Variants in MAN1A2 observed in about 807,000 individuals in gnomAD.
MAN1A2 encodes mannosidase alpha class 1A member 2.
In MAN1A2, 26 loss-of-function variants were observed where a neutral mutation model predicts 75.7. The observed-to-expected ratio is 0.34, with a 90% CI of 0.25 to 0.48. The LOEUF is 0.48. Among genes scored for constraint, MAN1A2 ranks in the 20% least tolerant of loss-of-function variants. MAN1A2 has a pLI of 0.99. For synonymous variants in MAN1A2, 247 were observed against 264.6 expected, an observed-to-expected ratio of 0.93 and a Z score of 0.65; for missense variants, 562 against 775.5, an observed-to-expected ratio of 0.72 and a Z score of 3.27.
chr1:117,478,773 ACAAT>A (rs1488718075), intron 8 of MAN1A2, among the ~76,000 whole-genome samples: 1 of 151,976 alleles, frequency 6.6e-6, no homozygotes, highest in East Asian at 1.9e-4. Flanking sequence ...TTAAATCTAC[ACAAT>A]CAACACAGTG....
chr1:117,482,082 T>C (rs1465510388), intron 8 of MAN1A2, among the ~76,000 whole-genome samples: 1 of 151,872 alleles, frequency 6.6e-6, no homozygotes, highest in Non-Finnish European at 1.5e-5. Context: ...GGTATATATA[T>C]ATATGTTCTA....
intron 8 of MAN1A2, 40 bp downstream of exon 8, chr1:117,466,467 A>G (rs1649987111): frequency 1.5e-6 from 2 of 1,328,998 alleles, no homozygotes; most frequent in Admixed American, 2.2e-5. Context: ...TTAAAAAATT[A>G]TTTGTCTGAA....
intron 5 of MAN1A2, among the ~76,000 whole-genome samples, chr1:117,429,605 A>G (rs1648521218): frequency 2.1e-5 from 2 of 93,552 alleles, no homozygotes; most frequent in Non-Finnish European, 4.3e-5. Context: ...TCCCTCCCGG[A>G]TGGGGCGGCT....
intron 5 of MAN1A2, among the ~76,000 whole-genome samples, chr1:117,426,727 A>T (rs1196323904): frequency 2.0e-5 from 3 of 152,210 alleles, no homozygotes; most frequent in Admixed American, 1.3e-4. Flanking sequence ...TATTGCTTTC[A>T]TACCATTGTA....
In MAN1A2 at chr1:117,488,077, A is replaced by G. The variant is rs376756120; in HGVS notation, c.1169-5070A>G. On this transcript the variant is annotated intron_variant, in intron 8 of 12. Coordinates refer to ENST00000356554, the MANE Select transcript of MAN1A2 (RefSeq NM_006699.5). ...ACATCTTATTATTGCCCTGTCTTCT[A>G]CTCCTCCAAGTGACTTCTGTAATAC... is the stretch of plus-strand genomic sequence containing the variant. Among the ~76,000 whole-genome samples the G allele has an allele frequency of 4.6e-5, 7 of 152,096 alleles. No individual in the cohort carries two copies. The East Asian group carries it at 7.8e-4, about 17-fold the overall frequency.
At chr1:117,390,130 G>T (rs1158777133) in intron 1 of MAN1A2, among the ~76,000 whole-genome samples, 1 of 152,094 alleles carries the variant, frequency 6.6e-6, no homozygotes. Context: ...TCTGATTCTG[G>T]TATCAGAGTA....
chr1:117,513,408 A>G (rs1220356262), intron 12 of MAN1A2, among the ~76,000 whole-genome samples: 1 of 152,102 alleles, frequency 6.6e-6, no homozygotes, highest in Non-Finnish European at 1.5e-5. Flanking sequence ...GCATTTATCA[A>G]TAGTTCATTC....
In MAN1A2 at chr1:117,375,179, A is replaced by ATG. The variant is rs3835640; in HGVS notation, c.302+6694_302+6695insTG. Among the ~76,000 whole-genome samples, 641 of 152,306 alleles carry ATG rather than the reference A, an allele frequency of 4.2e-3. 11 individuals carry two copies. Among genetic ancestry groups the ATG allele is most frequent in the East Asian group, 0.042 (217 of 5,188 alleles). On this transcript the variant is annotated intron_variant, in intron 1 of 12. Coordinates refer to ENST00000356554, the MANE Select transcript of MAN1A2 (RefSeq NM_006699.5). Reference sequence around the variant, plus strand: ...TGAGACTTTAGGATAGATTCTGTGGAATACAGTCCTTGACTGAGGCCTCAG... The same window carrying ATG: ...TGAGACTTTAGGATAGATTCTGTGGATGATACAGTCCTTGACTGAGGCCTCAG...
chr1:117,423,086 T>G (rs920072083), intron 5 of MAN1A2, among the ~76,000 whole-genome samples: 6 of 152,184 alleles, frequency 3.9e-5, no homozygotes, highest in Non-Finnish European at 7.4e-5. Flanking sequence ...AGTTAAATCC[T>G]ATATATGCTG....
At chr1:117,435,968 G>T (rs1648834476) in intron 5 of MAN1A2, among the ~76,000 whole-genome samples, 1 of 152,118 alleles carries the variant, frequency 6.6e-6, no homozygotes, top group Admixed American at 6.5e-5. Context: ...TGAGGCAGGA[G>T]AATCACTTGA....
At chr1:117,406,170 G>A (rs2101759759) in intron 3 of MAN1A2, among the ~76,000 whole-genome samples, 1 of 152,240 alleles carries the variant, frequency 6.6e-6, no homozygotes, top group Non-Finnish European at 1.5e-5. Flanking sequence ...TTCATCTTGA[G>A]TTTGTTCATC....
At chr1:117,520,340 A>G (rs1651836811) in intron 12 of MAN1A2, among the ~76,000 whole-genome samples, 1 of 152,054 alleles carries the variant, frequency 6.6e-6, no homozygotes, top group Non-Finnish European at 1.5e-5. Context: ...GGCAAAAGAA[A>G]GAAAGGGCAT....
chr1:117,406,926 T>G (rs1647635689), intron 3 of MAN1A2, among the ~76,000 whole-genome samples: 1 of 152,056 alleles, frequency 6.6e-6, no homozygotes, highest in Non-Finnish European at 1.5e-5. Context: ...TGGATGTCAA[T>G]TTTTTACTTT....
intron 4 of MAN1A2, among the ~76,000 whole-genome samples, chr1:117,416,094 A>G (rs1250613446): frequency 6.6e-6 from 1 of 151,586 alleles, no homozygotes; most frequent in East Asian, 1.9e-4. Flanking sequence ...TTGCTTTTGT[A>G]TTTAGTCTTT....
rs114177252 is a variant in MAN1A2, at chr1:117,456,497, A to G, written c.951-3992A>G. ...TGTAAAATAATTCTGCTATAAACCT[A>G]TTTTCTAAAATGAAATTATTAAAAA... On this transcript the variant is annotated intron_variant, in intron 6 of 12. Coordinates refer to ENST00000356554, the MANE Select transcript of MAN1A2 (RefSeq NM_006699.5). Among the ~76,000 whole-genome samples the G allele has an allele frequency of 3.8e-3, 585 of 152,074 alleles. 7 individuals are homozygous for G. Among genetic ancestry groups the G allele is most frequent in the African/African-American group, 0.013 (556 of 41,544 alleles).
chr1:117,369,807 C>G (rs976536785), intron 1 of MAN1A2, among the ~76,000 whole-genome samples: 1 of 152,082 alleles, frequency 6.6e-6, no homozygotes, highest in Non-Finnish European at 1.5e-5. Context: ...GAAAAATTAA[C>G]GGTGAAAGTA....
rs760096598 is a variant in MAN1A2, at chr1:117,400,325, CT to C, written c.303-1852del. 1.1e-4 allele frequency among the ~76,000 whole-genome samples: 16 copies of C among 150,544 alleles called. 1 individual carries two copies. The highest frequency in any genetic ancestry group is 5.8e-4 in the East Asian group (3 of 5,156). On this transcript the variant is annotated intron_variant, in intron 1 of 12. Coordinates refer to ENST00000356554, the MANE Select transcript of MAN1A2 (RefSeq NM_006699.5). ...CAGCACCTTTTCAGTGCTAATAACT[CT>C]TTTTTTTTCTCCAGTGTTTAACATT...
At position 117,526,672 on chromosome 1, in the gene MAN1A2, T is replaced by C. The variant is rs1482164972; in HGVS notation, c.*3715T>C. On this transcript the variant is annotated 3_prime_UTR_variant, in exon 13 of 13. Transcript: ENST00000356554. ...AATTCATGGGTAAAACTTGCAGTTG[T>C]AAATTGTGTCTGCTCTGGTATGGGC... The C allele has an allele frequency of 1.3e-5, 2 of 151,334 alleles. No individual in the cohort carries two copies. Among genetic ancestry groups the C allele is most frequent in the Admixed American group, 6.6e-5 (1 of 15,156 alleles). The allele number at this position is 151,334 out of a possible 1,614,324, so 9.4% of individuals were successfully genotyped here.
chr1:117,397,580 G>T (rs1279351229), intron 1 of MAN1A2, among the ~76,000 whole-genome samples: 1 of 150,780 alleles, frequency 6.6e-6, no homozygotes, highest in Non-Finnish European at 1.5e-5. Flanking sequence ...TTTTAATATG[G>T]ATTTTAATAT....
Sources: gnomAD v4.1 joint callset for allele counts (sites outside exome capture counted in the v4.1 genomes callset) on GRCh38, gnomAD v4.1.1 for gene constraint, MANE v1.5 for transcripts, NCBI Gene and HGNC (gene_info 2026-07-23, HGNC 2026-07-21) for gene names.